GRID2IP: variants seen among roughly 807,000 people sequenced by gnomAD.
The protein encoded by GRID2IP is delphilin.
A neutral mutation model predicts 114.3 loss-of-function variants in GRID2IP; 78 were observed. The ratio of observed to expected loss-of-function variants is 0.68; its 90% CI spans 0.57 to 0.82. GRID2IP has a LOEUF of 0.82. GRID2IP is among the 40% of genes least tolerant of loss of function. GRID2IP has a pLI of 0.00. For synonymous variants in GRID2IP, 809 were observed against 724.0 expected (o/e 1.12, Z -1.89); for missense variants, 1,727 against 1,678.5 (o/e 1.03, Z -0.51).
chr7:6,526,378 C>G lies in GRID2IP; in HGVS notation c.834-69G>C. The G allele has an allele frequency of 6.6e-7, 1 of 1,503,834 alleles. No individual in the cohort carries two copies. The highest frequency in any genetic ancestry group is 9.0e-7 in the Non-Finnish European group (1 of 1,107,344). The allele number at this position is 1,503,834 out of a possible 1,614,324, so 93.2% of individuals were successfully genotyped here. ...CCTGGGGCGCAGAGGTTGGAGATGT[C>G]CCGTGTCCCTCTCCCCTTAACCTCT... On this transcript the variant is annotated intron_variant, in intron 3 of 21. Coordinates refer to ENST00000457091, the MANE Select transcript of GRID2IP (RefSeq NM_001145118.2). This position sits in a 1 kb window ranked among gnomAD's most constrained non-coding sequence, Gnocchi z 7.6.
In GRID2IP at chr7:6,498,210, G is replaced by C; in HGVS notation, c.3418C>G (p.Gln1140Glu). Reference sequence around the variant, plus strand: ...CCGTCGAGCGCCCGAAGTGCTGGCTGGGCCGTCTCCAGGAAGGACTGACAG... The same window carrying C: ...CCGTCGAGCGCCCGAAGTGCTGGCTCGGCCGTCTCCAGGAAGGACTGACAG... ...MVMSSFLETA[Q>E]PALRALDGLQ... is the part of the protein sequence containing the mutation. Residue 1140 changes from glutamine to glutamate, a missense_variant, in exon 21 of 22, where the codon CAG (glutamine) becomes GAG (glutamate). Transcript: ENST00000457091. 6.5e-7 allele frequency: 1 copy of C among 1,546,818 alleles called. No individual in the cohort carries two copies. Among genetic ancestry groups the C allele is most frequent in the Non-Finnish European group, 8.7e-7 (1 of 1,145,334 alleles).
intron 20 of GRID2IP, among the ~76,000 whole-genome samples, chr7:6,500,594 T>C (rs1470386991): frequency 6.6e-6 from 1 of 152,212 alleles, no homozygotes; most frequent in Non-Finnish European, 1.5e-5. Flanking sequence ...GGGGTAGATC[T>C]GACATCAAAT....
rs1011283519 is a variant in GRID2IP at position 6,521,200 on chromosome 7, G to T, written c.1084+229C>A. ...TGCTCAGACTGGTCTCAAACTCCTG[G>T]CCTCAAGCGATCCTCCCACCTTGGC... On this transcript the variant is annotated intron_variant, in intron 6 of 21. Coordinates refer to ENST00000457091, the MANE Select transcript of GRID2IP (RefSeq NM_001145118.2). This position sits in a 1 kb window ranked among gnomAD's most constrained non-coding sequence, Gnocchi z 4.1. 6.6e-6 allele frequency among the ~76,000 whole-genome samples: 1 copy of T among 152,072 alleles called. No individual in the cohort carries two copies. The highest frequency in any genetic ancestry group is 2.1e-4 in the South Asian group (1 of 4,822).
chr7:6,514,561 T>A, intron 7 of GRID2IP, 32 bp from the exon 8 acceptor site: 1 of 1,474,984 alleles, frequency 6.8e-7, no homozygotes. Flanking sequence ...TGAGGCTCAA[T>A]ACTCACGGGC....
At chr7:6,530,160 G>A (rs942634724) in intron 2 of GRID2IP, among the ~76,000 whole-genome samples, 3 of 151,320 alleles carry the variant, frequency 2.0e-5, no homozygotes, top group African/African-American at 7.3e-5. Context: ...GGGTTTCACC[G>A]TTTTAGCCAG....
At position 6,523,343 on chromosome 7, in the gene GRID2IP, G is replaced by T. The variant is rs1779449089; in HGVS notation, c.920-1386C>A. Among the ~76,000 whole-genome samples the T allele has an allele frequency of 6.6e-6, 1 of 152,016 alleles. No individual in the cohort carries two copies. Among genetic ancestry groups the T allele is most frequent in the Non-Finnish European group, 1.5e-5 (1 of 67,986 alleles). Reference sequence around the variant, plus strand: ...GGTGGTGGCGAATCCAATCTGGCCTGCCTGGAATGGTGGGACAGCTAGAGA... The same window carrying T: ...GGTGGTGGCGAATCCAATCTGGCCTTCCTGGAATGGTGGGACAGCTAGAGA... On this transcript the variant is annotated intron_variant, in intron 4 of 21. Transcript: ENST00000457091. This position sits in a 1 kb window ranked among gnomAD's most constrained non-coding sequence, Gnocchi z 4.5.
chr7:6,503,490 C>G lies in GRID2IP; in HGVS notation c.2907+1G>C. 1 of 1,519,682 alleles carries G rather than the reference C, an allele frequency of 6.6e-7. No homozygotes were observed. Among genetic ancestry groups the G allele is most frequent in the Non-Finnish European group, 8.8e-7 (1 of 1,140,864 alleles). The allele number at this position is 1,519,682 out of a possible 1,614,324, so 94.1% of individuals were successfully genotyped here. A position where few individuals can be genotyped will look rare whatever the true frequency, so the allele number is the denominator to read the frequency against. On this transcript the variant is annotated splice_donor_variant, in intron 16 of 21. Transcript: ENST00000457091. LOFTEE classifies it high-confidence loss of function. ...TCGGGGCGGGGTTGTGGTCGCGGCA[C>G]CTGCAGGACGAACTGGTCCGGCTCG... is the stretch of plus-strand genomic sequence containing the variant.
rs1003582264 is a variant in GRID2IP at position 6,508,564 on chromosome 7, C to T, written c.2128-163G>A. On this transcript the variant is annotated intron_variant, in intron 12 of 21. Transcript: ENST00000457091. The surrounding 1 kb of genome is among the most constrained non-coding windows in gnomAD (Gnocchi z 5.6). The stretch of plus-strand genomic sequence containing the variant: ...ACCTGGGCTAAGGATAGGACTGTCT[C>T]ACAGGTTAACCTCAGGCTGTGAGGG... Among the ~76,000 whole-genome samples the T allele has an allele frequency of 1.3e-5, 2 of 151,898 alleles. No homozygotes were observed. Among genetic ancestry groups the T allele is most frequent in the Admixed American group, 6.6e-5 (1 of 15,250 alleles).
rs1786578031 is a variant in GRID2IP at position 6,506,110 on chromosome 7, G to A, written c.2545-203C>T. Among the ~76,000 whole-genome samples, 1 of 152,206 alleles carries A rather than the reference G, an allele frequency of 6.6e-6. No individual in the cohort carries two copies. The highest frequency in any genetic ancestry group is 1.5e-5 in the Non-Finnish European group (1 of 68,034). On this transcript the variant is annotated intron_variant, in intron 13 of 21. Transcript: ENST00000457091. The surrounding 1 kb of genome is among the most constrained non-coding windows in gnomAD (Gnocchi z 5.2). ...CGGGTGCTGAGCCAGCGCCTCCTGGGGTCAATCGAGACTCAAGACTTGGAA... is the reference window on the plus strand; with the variant it reads ...CGGGTGCTGAGCCAGCGCCTCCTGGAGTCAATCGAGACTCAAGACTTGGAA...
chr7:6,503,567 G>A lies in GRID2IP; in HGVS notation c.2831C>T (p.Ala944Val). ...GGCCTGGTAGCGCTGCTCCTCGTCGGCGTCGGGCGCGAAGAGCAGCAGCTG... is the reference window on the plus strand; with the variant it reads ...GGCCTGGTAGCGCTGCTCCTCGTCGACGTCGGGCGCGAAGAGCAGCAGCTG... The part of the protein sequence containing the change: ...LAQLLLFAPD[A>V]DEEQRYQAFR... The change falls in exon 16 of 22, where the codon GCC becomes GTC. Residue 944 changes from alanine to valine, a missense_variant. Transcript: ENST00000457091. 23 of 1,528,864 alleles carry A rather than the reference G, an allele frequency of 1.5e-5. No homozygotes were observed. The highest frequency in any genetic ancestry group is 2.0e-5 in the Non-Finnish European group (23 of 1,144,236). 94.7% of individuals were successfully genotyped at this position (1,528,864 alleles called of 1,614,324 possible).
At position 6,516,634 on chromosome 7, in the gene GRID2IP, C is replaced by G. The variant is rs1329448290; in HGVS notation, c.1269-2105G>C. On this transcript the variant is annotated intron_variant, in intron 7 of 21. Transcript: ENST00000457091. This position sits in a 1 kb window ranked among gnomAD's most constrained non-coding sequence, Gnocchi z 4.3. ...CTCTGCTCCACCACTGCTTGCCCGC[C>G]CGCAGCCACCCAGAGGCCTAACGCT... Among the ~76,000 whole-genome samples the G allele has an allele frequency of 6.6e-6, 1 of 152,136 alleles. No individual in the cohort carries two copies. Among genetic ancestry groups the G allele is most frequent in the Non-Finnish European group, 1.5e-5 (1 of 68,036 alleles).
intron 15 of GRID2IP, 87 bp downstream of exon 15, chr7:6,504,706 C>G (rs1786524921): frequency 1.9e-6 from 2 of 1,044,030 alleles, no homozygotes; most frequent in Non-Finnish European, 2.8e-6. Context: ...ACCGCCTAAT[C>G]TCTGTCATCC....
At chr7:6,515,053 T>C (rs1407395040) in intron 7 of GRID2IP, among the ~76,000 whole-genome samples, 1 of 151,962 alleles carries the variant, frequency 6.6e-6, no homozygotes, top group Non-Finnish European at 1.5e-5. Flanking sequence ...GCTCTGCCAC[T>C]TACCAGCTAA....
intron 1 of GRID2IP, among the ~76,000 whole-genome samples, chr7:6,543,061 C>T (rs887110615): frequency 2.6e-5 from 4 of 152,262 alleles, no homozygotes; most frequent in East Asian, 1.9e-4. Context: ...CAACAGACTC[C>T]GCATCCTTCC....
chr7:6,517,507 C>G (rs1464842602), intron 7 of GRID2IP, among the ~76,000 whole-genome samples: 1 of 152,046 alleles, frequency 6.6e-6, no homozygotes, highest in Non-Finnish European at 1.5e-5. Context: ...TCAAGGAAGC[C>G]CAACTTAGAC....
Position 6,536,314 on chromosome 7 carries a change from G to C in GRID2IP, c.584+3404C>G, listed in dbSNP as rs563628027. On this transcript the variant is annotated intron_variant, in intron 2 of 21. Coordinates refer to ENST00000457091, the MANE Select transcript of GRID2IP (RefSeq NM_001145118.2). The surrounding 1 kb of genome is among the most constrained non-coding windows in gnomAD (Gnocchi z 5.3). The stretch of plus-strand genomic sequence containing the variant: ...CTGGCGCACTTGACACGCGCTTACA[G>C]CAGAGGCTGCCGTTTCAAGCTGCGG... Among the ~76,000 whole-genome samples the C allele has an allele frequency of 6.6e-6, 1 of 152,352 alleles. No individual in the cohort carries two copies. Among genetic ancestry groups the C allele is most frequent in the East Asian group, 1.9e-4 (1 of 5,176 alleles).
chr7:6,522,846 T>C (rs567618729), intron 4 of GRID2IP, among the ~76,000 whole-genome samples: 1 of 150,072 alleles, frequency 6.7e-6, no homozygotes, highest in Admixed American at 6.7e-5. Context: ...AGCGTGTGTT[T>C]AGTAGAGATG....
rs1463331478 is a variant in GRID2IP, at chr7:6,509,033, G to A, written c.2052C>T (p.Asp684=). 13 of 1,546,122 alleles carry A rather than the reference G, an allele frequency of 8.4e-6. No homozygotes were observed. Among genetic ancestry groups the A allele is most frequent in the Middle Eastern group, 1.7e-4 (1 of 5,830 alleles). The change falls in exon 12 of 22, where the codon GAC becomes GAT. Residue 684 remains aspartate (D), a synonymous_variant. Transcript: ENST00000457091. This position sits in a 1 kb window ranked among gnomAD's most constrained non-coding sequence, Gnocchi z 4.9. ...VRSRDTDRFL[D]VLSEQLGPRV... is the part of the protein sequence containing the mutation. ...GGGGGCCCAGCTGCTCGCTCAGCAC[G>A]TCCAGGAAGCGGTCAGTATCGCGGC... is the stretch of plus-strand genomic sequence containing the variant.
At position 6,510,362 on chromosome 7, in the gene GRID2IP, G is replaced by T; in HGVS notation, c.1692C>A (p.Asn564Lys). 1.3e-6 allele frequency: 2 copies of T among 1,547,028 alleles called. No homozygotes were observed. The highest frequency in any genetic ancestry group is 1.7e-6 in the Non-Finnish European group (2 of 1,144,894). ...TCCCCATCTTCCCTTTGAAGCTGCT[G>T]TTCAGTCGAGACTCAAGCTCTGCAT... ...AVYAELESRL[N>K]SSFKGKMGTV... The change falls in exon 11 of 22, where the codon AAC (asparagine) becomes AAA (lysine). Residue 564 changes from asparagine to lysine, a missense_variant. Coordinates refer to ENST00000457091, the MANE Select transcript of GRID2IP (RefSeq NM_001145118.2).
Sources: allele counts gnomAD v4.1 joint callset (sites outside exome capture counted in the v4.1 genomes callset), GRCh38; gene constraint gnomAD v4.1.1; non-coding constraint Gnocchi (gnomAD v3.1); transcripts MANE v1.5; gene names NCBI Gene and HGNC (gene_info 2026-07-23, HGNC 2026-07-21).